NELL1: variants seen among roughly 807,000 people sequenced by gnomAD.
NELL1 encodes the protein protein kinase C-binding protein NELL1.
NELL1 carries 76 observed loss-of-function variants against 107.4 expected under a neutral mutation model. That is an observed-to-expected ratio of 0.71 (90% CI 0.59 to 0.86). The LOEUF is 0.86. Ranked by LOEUF, NELL1 falls within the 40% of genes least tolerant of loss-of-function variation. The pLI is 0.00. For synonymous variants in NELL1, 353 were observed against 341.2 expected, an observed-to-expected ratio of 1.03 and a Z score of -0.38; for missense variants, 1,024 against 1,005.5, an observed-to-expected ratio of 1.02 and a Z score of -0.25.
At chr11:20,873,750 A>G (rs1458112252) in intron 4 of NELL1, among the ~76,000 whole-genome samples, 1 of 149,416 alleles carries the variant, frequency 6.7e-6, no homozygotes. Context: ...TGTGTAACCC[A>G]CTGGTTGAAT....
intron 15 of NELL1, among the ~76,000 whole-genome samples, chr11:21,424,196 T>C (rs926053051): frequency 2.3e-4 from 35 of 151,818 alleles, no homozygotes; most frequent in African/African-American, 8.2e-4. Context: ...TTCAGAAAGA[T>C]CAACAAAATT....
intron 2 of NELL1, among the ~76,000 whole-genome samples, chr11:20,734,158 G>A (rs565251717): frequency 5.4e-4 from 82 of 152,188 alleles, no homozygotes; most frequent in African/African-American, 1.8e-3. Context: ...GTGAGTTTGA[G>A]GAAAATGTAG....
intron 10 of NELL1, among the ~76,000 whole-genome samples, chr11:20,939,701 C>T (rs986791411): frequency 6.6e-6 from 1 of 152,094 alleles, no homozygotes; most frequent in Non-Finnish European, 1.5e-5. Context: ...CTGTGGTACT[C>T]ATGGGAAGGG....
chr11:21,359,772 G>A (rs1851028961), intron 14 of NELL1, among the ~76,000 whole-genome samples: 1 of 152,044 alleles, frequency 6.6e-6, no homozygotes, highest in Admixed American at 6.5e-5. Flanking sequence ...TTTAGTTTGT[G>A]TGCATTAGGT....
chr11:21,300,109 T>A (rs1388970264), intron 14 of NELL1, among the ~76,000 whole-genome samples: 1 of 151,844 alleles, frequency 6.6e-6, no homozygotes, highest in African/African-American at 2.4e-5. Context: ...AAACAGCTGT[T>A]GTGACTGAAA....
At chr11:20,705,703 G>C (rs908608003) in intron 2 of NELL1, among the ~76,000 whole-genome samples, 1 of 146,962 alleles carries the variant, frequency 6.8e-6, no homozygotes, top group Non-Finnish European at 1.5e-5. Context: ...CACAGCAAAA[G>C]AAACTACCAT....
At chr11:20,797,730 AAGG>A (rs1480875554) in intron 3 of NELL1, among the ~76,000 whole-genome samples, 3 of 152,036 alleles carry the variant, frequency 2.0e-5, no homozygotes, top group Non-Finnish European at 4.4e-5. Context: ...GGGGATAGAG[AAGG>A]AGGAGTCAAG....
At chr11:21,284,212 T>C (rs1424009911) in intron 14 of NELL1, 6 of 456,778 alleles carry the variant, frequency 1.3e-5, no homozygotes, top group South Asian at 7.7e-5. Flanking sequence ...TAGATCTCTA[T>C]GCCAGTGTCA....
intron 13 of NELL1, among the ~76,000 whole-genome samples, chr11:21,218,615 C>A (rs1341140026): frequency 6.6e-6 from 1 of 152,116 alleles, no homozygotes; most frequent in Admixed American, 6.5e-5. Context: ...TTTTCTGTCT[C>A]CTAATCAACC....
intron 14 of NELL1, among the ~76,000 whole-genome samples, chr11:21,366,139 A>G (rs537555969): frequency 1.3e-5 from 2 of 152,260 alleles, no homozygotes; most frequent in South Asian, 4.1e-4. Flanking sequence ...AAAGGTGATG[A>G]TATCACCCTT....
At chr11:21,379,243 A>C (rs1851554082) in intron 15 of NELL1, among the ~76,000 whole-genome samples, 1 of 152,092 alleles carries the variant, frequency 6.6e-6, no homozygotes, top group African/African-American at 2.4e-5. Context: ...CAGACTGAGA[A>C]CTGGACACAA....
intron 15 of NELL1, among the ~76,000 whole-genome samples, chr11:21,495,013 T>A (rs1854939947): frequency 6.6e-6 from 1 of 152,126 alleles, no homozygotes; most frequent in Non-Finnish European, 1.5e-5. Context: ...TTTATTGAGA[T>A]ATATTTCAAA....
At chr11:21,461,714 T>G (rs1441523496) in intron 15 of NELL1, among the ~76,000 whole-genome samples, 1 of 152,174 alleles carries the variant, frequency 6.6e-6, no homozygotes, top group Non-Finnish European at 1.5e-5. Flanking sequence ...TTTAAGCATC[T>G]TGCCTAAGCT....
intron 2 of NELL1, among the ~76,000 whole-genome samples, chr11:20,679,512 C>A (rs1028381533): frequency 6.6e-6 from 1 of 152,150 alleles, no homozygotes; most frequent in African/African-American, 2.4e-5. Flanking sequence ...TTATATGTAA[C>A]AAGACTATGG....
At chr11:21,473,698 T>A (rs1486304683) in intron 15 of NELL1, among the ~76,000 whole-genome samples, 1 of 152,136 alleles carries the variant, frequency 6.6e-6, no homozygotes, top group East Asian at 1.9e-4. Flanking sequence ...GTGGGCAAGA[T>A]AATTTGTATG....
At chr11:21,445,387 C>G (rs536710190) in intron 15 of NELL1, among the ~76,000 whole-genome samples, 1 of 151,896 alleles carries the variant, frequency 6.6e-6, no homozygotes, top group Non-Finnish European at 1.5e-5. Context: ...AGTGCAATAG[C>G]GTGATCTCGG....
At chr11:20,743,379 A>T (rs1257115102) in intron 2 of NELL1, among the ~76,000 whole-genome samples, 1 of 152,082 alleles carries the variant, frequency 6.6e-6, no homozygotes, top group Non-Finnish European at 1.5e-5. Context: ...TGACTCTGAA[A>T]CTTTTCTGAC....
intron 12 of NELL1, among the ~76,000 whole-genome samples, chr11:21,013,974 A>G (rs1421799177): frequency 6.6e-6 from 1 of 151,786 alleles, no homozygotes; most frequent in Non-Finnish European, 1.5e-5. Flanking sequence ...TTTTTCTTAT[A>G]ATTAGGCTGG....
At chr11:20,893,350 C>T (rs998389418) in intron 5 of NELL1, among the ~76,000 whole-genome samples, 2 of 147,748 alleles carry the variant, frequency 1.4e-5, no homozygotes, top group African/African-American at 5.0e-5. Context: ...AACCTGCACA[C>T]TCTGCACATG....
Sources: allele counts gnomAD v4.1 joint callset (sites outside exome capture counted in the v4.1 genomes callset), GRCh38; gene constraint gnomAD v4.1.1; transcripts MANE v1.5; gene names NCBI Gene and HGNC (gene_info 2026-07-23, HGNC 2026-07-21).